The following LRP1B variants were observed in gnomAD, a reference collection of about 807,000 sequenced individuals.
The protein encoded by LRP1B is low-density lipoprotein receptor-related protein 1B.
LRP1B carries 217 observed loss-of-function variants against 556.6 expected under a neutral mutation model. The ratio of observed to expected loss-of-function variants is 0.39; its 90% CI spans 0.35 to 0.44. The LOEUF (loss-of-function observed/expected upper bound fraction) is 0.44, where lower values mean the gene tolerates loss of function less well. Among genes scored for constraint, LRP1B ranks in the 20% least tolerant of loss-of-function variants. LRP1B has a pLI of 1.00. For missense variants in LRP1B, 5,053 were observed against 5,620.8 expected (o/e 0.90, Z 3.23); for synonymous variants, 2,047 against 1,865.8 (o/e 1.10, Z -2.50).
At chr2:141,486,594 G>T (rs143385413) in intron 2 of LRP1B, among the ~76,000 whole-genome samples, 1 of 151,842 alleles carries the variant, frequency 6.6e-6, no homozygotes, top group South Asian at 2.1e-4. Flanking sequence ...CTCCTTCCCC[G>T]CAGCTAACCT....
At chr2:141,636,826 T>C (rs529080626) in intron 2 of LRP1B, among the ~76,000 whole-genome samples, 1 of 152,116 alleles carries the variant, frequency 6.6e-6, no homozygotes, top group East Asian at 1.9e-4. Context: ...GCTAAATGAA[T>C]AAAGTACATC....
At chr2:140,298,028 AGGAATTTTCAT>A in intron 83 of LRP1B, 59 bp from the exon 84 acceptor site, 2 of 1,484,042 alleles carry the variant, frequency 1.3e-6, no homozygotes, top group Non-Finnish European at 1.8e-6. Context: ...TTTATTTTCA[AGGAATTTTCAT>A]GGGATAAAAG....
chr2:142,115,799 GTA>G lies in LRP1B; in HGVS notation c.82+14847_82+14848del. The stretch of plus-strand genomic sequence containing the variant: ...TATATGTAATATATATCATATATAT[GTA>G]ATATATATCATATATATGTAATATA... On this transcript the variant is annotated intron_variant, in intron 1 of 90. Transcript: ENST00000389484. Among the ~76,000 whole-genome samples, 2 of 16,402 alleles carry G rather than the reference GTA, an allele frequency of 1.2e-4. 1 individual carries two copies. Among genetic ancestry groups the G allele is most frequent in the African/African-American group, 2.8e-4 (2 of 7,078 alleles). 10.8% of individuals were successfully genotyped at this position (16,402 alleles called of 152,430 possible).
At chr2:141,739,131 A>C (rs1693601259) in intron 2 of LRP1B, among the ~76,000 whole-genome samples, 1 of 152,130 alleles carries the variant, frequency 6.6e-6, no homozygotes, top group Admixed American at 6.6e-5. Context: ...TAAAAACCTT[A>C]GGGGAAGATT....
At chr2:140,631,878 A>G (rs2105278366) in intron 41 of LRP1B, among the ~76,000 whole-genome samples, 1 of 152,336 alleles carries the variant, frequency 6.6e-6, no homozygotes, top group Non-Finnish European at 1.5e-5. Flanking sequence ...AAATAAAAAG[A>G]TGATAAAATT....
chr2:141,305,967 G>T (rs1046884065), intron 3 of LRP1B, among the ~76,000 whole-genome samples: 2 of 152,176 alleles, frequency 1.3e-5, no homozygotes, highest in Admixed American at 6.5e-5. Context: ...ACATCTTTTT[G>T]ATATACTTTT....
chr2:141,328,248 T>A (rs1207533583), intron 3 of LRP1B, among the ~76,000 whole-genome samples: 1 of 152,178 alleles, frequency 6.6e-6, no homozygotes, highest in Admixed American at 6.5e-5. Context: ...ATCTTAACTT[T>A]CTCAGCTGTA....
chr2:141,810,168 G>GAAAGAAGTAAA (rs1553467624), intron 2 of LRP1B, 111 bp downstream of exon 2: 1 of 227,254 alleles, frequency 4.4e-6, no homozygotes, highest in Non-Finnish European at 6.0e-6. Flanking sequence ...AAAGAAAGAA[G>GAAAGAAGTAAA]GAAAGAAAGA....
intron 2 of LRP1B, among the ~76,000 whole-genome samples, chr2:141,804,938 G>A (rs373465507): frequency 6.6e-6 from 1 of 152,086 alleles, no homozygotes; most frequent in Non-Finnish European, 1.5e-5. Flanking sequence ...CTATGCAGCA[G>A]AAGCCAAGGA....
chr2:141,361,033 C>T (rs1270025504), intron 3 of LRP1B, among the ~76,000 whole-genome samples: 2 of 152,040 alleles, frequency 1.3e-5, no homozygotes, highest in South Asian at 2.1e-4. Context: ...TTGATATTAA[C>T]ATAATTAATG....
At chr2:141,475,707 G>A (rs1682676549) in intron 3 of LRP1B, among the ~76,000 whole-genome samples, 1 of 152,106 alleles carries the variant, frequency 6.6e-6, no homozygotes, top group South Asian at 2.1e-4. Context: ...AGAGTGGTGA[G>A]GCAGAGAAGG....
chr2:140,472,189 T>C (rs1432592586), intron 60 of LRP1B, among the ~76,000 whole-genome samples: 4 of 152,076 alleles, frequency 2.6e-5, no homozygotes, highest in Non-Finnish European at 4.4e-5. Context: ...GCATAGTGCA[T>C]GGCACAGAAA....
At chr2:140,596,335 CTAT>C (rs1682438598) in intron 43 of LRP1B, among the ~76,000 whole-genome samples, 1 of 152,126 alleles carries the variant, frequency 6.6e-6, no homozygotes, top group African/African-American at 2.4e-5. Context: ...CTCTATGTCT[CTAT>C]TAGAGAGCAG....
chr2:141,236,438 G>A (rs531376821), intron 5 of LRP1B, among the ~76,000 whole-genome samples: 3 of 152,190 alleles, frequency 2.0e-5, no homozygotes, highest in South Asian at 4.1e-4. Flanking sequence ...AATGTTTGTT[G>A]CCAGAAGCTA....
chr2:141,204,273 A>G (rs762601878), intron 6 of LRP1B, among the ~76,000 whole-genome samples: 3 of 152,242 alleles, frequency 2.0e-5, no homozygotes, highest in Non-Finnish European at 4.4e-5. Context: ...AATCAAGTCC[A>G]ACAATCAAAA....
chr2:140,669,588 T>G (rs922907639), intron 41 of LRP1B, among the ~76,000 whole-genome samples: 19 of 152,192 alleles, frequency 1.2e-4, no homozygotes, highest in African/African-American at 4.3e-4. Flanking sequence ...AATCATGATG[T>G]CTTTACCATG....
chr2:141,399,586 T>A (rs1407954990), intron 3 of LRP1B, among the ~76,000 whole-genome samples: 1 of 152,134 alleles, frequency 6.6e-6, no homozygotes, highest in Non-Finnish European at 1.5e-5. Flanking sequence ...AATATAACTA[T>A]AACCCCCAAA....
intron 41 of LRP1B, among the ~76,000 whole-genome samples, chr2:140,603,387 G>C (rs1295651681): frequency 6.6e-6 from 1 of 152,056 alleles, no homozygotes; most frequent in Non-Finnish European, 1.5e-5. Flanking sequence ...CTTTGCCAGT[G>C]TATTTTTTAA....
intron 2 of LRP1B, among the ~76,000 whole-genome samples, chr2:141,560,732 T>A (rs1426996979): frequency 6.6e-6 from 1 of 151,728 alleles, no homozygotes; most frequent in African/African-American, 2.4e-5. Context: ...GTACTTTTTT[T>A]TAGGAGGTTT....
Sources: gnomAD v4.1 joint callset for allele counts (sites outside exome capture counted in the v4.1 genomes callset) on GRCh38, gnomAD v4.1.1 for gene constraint, MANE v1.5 for transcripts, NCBI Gene and HGNC (gene_info 2026-07-23, HGNC 2026-07-21) for gene names.